The following SPAG16 variants were observed in gnomAD, a reference collection of about 807,000 sequenced individuals.
The protein encoded by SPAG16 is sperm-associated antigen 16 protein.
In SPAG16, 86 loss-of-function variants were observed where a neutral mutation model predicts 80.4. The ratio of observed to expected loss-of-function variants is 1.07; its 90% CI spans 0.90 to 1.28. The LOEUF is 1.28. Among genes scored for constraint, SPAG16 ranks in the 50% most tolerant of loss-of-function variants. The probability of loss-of-function intolerance (pLI) is 0.00; values close to 1 mark genes in which losing one functional copy is unlikely to be tolerated. For synonymous variants in SPAG16, 294 were observed against 265.9 expected, an observed-to-expected ratio of 1.11 and a Z score of -1.03; for missense variants, 870 against 765.3, an observed-to-expected ratio of 1.14 and a Z score of -1.61.
intron 10 of SPAG16, among the ~76,000 whole-genome samples, chr2:213,670,090 G>A (rs747399037): frequency 7.3e-5 from 11 of 151,462 alleles, no homozygotes; most frequent in Non-Finnish European, 1.0e-4. Context: ...CTCTGCCTCC[G>A]GGGTTCACGC....
intron 11 of SPAG16, among the ~76,000 whole-genome samples, chr2:213,883,231 CT>C (rs1180524780): frequency 6.6e-6 from 1 of 152,106 alleles, no homozygotes; most frequent in African/African-American, 2.4e-5. Flanking sequence ...AATTTCAATA[CT>C]TTTTTATTTT....
rs901068288 is a variant in SPAG16 at position 213,835,589 on chromosome 2, T to C, written c.1071-26896T>C. Among the ~76,000 whole-genome samples the C allele has an allele frequency of 4.1e-4, 62 of 152,306 alleles. 1 individual carries two copies. Among genetic ancestry groups the C allele is most frequent in the African/African-American group, 1.4e-3 (60 of 41,568 alleles). On this transcript the variant is annotated intron_variant, in intron 10 of 15. Transcript: ENST00000331683. ...TAATCTCCCTCCTTCTAAGGTTTCA[T>C]TGTGTACTATAATCTTTTTTCCTAT...
chr2:213,378,987 C>G (rs2125228916), intron 9 of SPAG16, among the ~76,000 whole-genome samples: 1 of 152,318 alleles, frequency 6.6e-6, no homozygotes, highest in African/African-American at 2.4e-5. Context: ...ATCACCCCAG[C>G]CAAGACTGTA....
intron 15 of SPAG16, among the ~76,000 whole-genome samples, chr2:214,308,816 C>A (rs1430225365): frequency 6.6e-6 from 1 of 152,004 alleles, no homozygotes; most frequent in Non-Finnish European, 1.5e-5. Context: ...CTGCCTTTAA[C>A]ATTTTGTTTT....
intron 12 of SPAG16, among the ~76,000 whole-genome samples, chr2:213,999,171 G>A (rs984721362): frequency 2.0e-5 from 3 of 151,702 alleles, no homozygotes; most frequent in African/African-American, 2.4e-5. Context: ...AGGTCTTCAC[G>A]GCAGCCCCTC....
chr2:214,313,694 C>T (rs1695485363), intron 15 of SPAG16, among the ~76,000 whole-genome samples: 1 of 151,982 alleles, frequency 6.6e-6, no homozygotes. Flanking sequence ...TGCAATTCTT[C>T]TATCCATATT....
chr2:214,272,495 A>G (rs754779296), intron 15 of SPAG16, among the ~76,000 whole-genome samples: 29 of 152,042 alleles, frequency 1.9e-4, no homozygotes, highest in Non-Finnish European at 4.0e-4. Context: ...CCTGTGTCCA[A>G]GTGTTCTCAT....
In SPAG16 at chr2:214,410,261, C is replaced by T. The variant is rs765928542; in HGVS notation, c.1842C>T (p.Asp614=). The stretch of plus-strand genomic sequence containing the variant: ...CACACACGGTTGTGTTTTCTCACGA[C>T]GGGGAGATTCTCTTTTCTGGAGGCT... ...NEAHTVVFSH[D]GEILFSGGSD... is the part of the protein sequence containing the mutation. The change falls in exon 16 of 16, where the codon GAC becomes GAT. Residue 614 remains aspartate, a synonymous_variant. Transcript: ENST00000331683. The T allele has an allele frequency of 6.8e-6, 11 of 1,610,804 alleles. No individual in the cohort carries two copies. The highest frequency in any genetic ancestry group is 1.3e-5 in the African/African-American group (1 of 74,868).
chr2:213,757,329 G>GTT (rs549923590), intron 10 of SPAG16, among the ~76,000 whole-genome samples: 4 of 147,778 alleles, frequency 2.7e-5, no homozygotes, highest in Non-Finnish European at 4.5e-5. Context: ...ACCCATAGCT[G>GTT]TTTTTTTTTT....
chr2:213,340,492 G>A (rs908120348), intron 6 of SPAG16, among the ~76,000 whole-genome samples: 5 of 152,120 alleles, frequency 3.3e-5, no homozygotes, highest in Non-Finnish European at 5.9e-5. Context: ...TTGTTGCTAT[G>A]CCACCCAAGA....
rs1163845734 is a variant in SPAG16, at chr2:214,221,945, A to C, written c.1720+72679A>C. On this transcript the variant is annotated intron_variant, in intron 15 of 15. Transcript: ENST00000331683. ...AATTGGTAAACTGCCAATTGAAAAA[A>C]AACATTAAAAATAGATAATATCTGA... Among the ~76,000 whole-genome samples, 3 of 152,116 alleles carry C rather than the reference A, an allele frequency of 2.0e-5. No individual in the cohort carries two copies. The East Asian group carries it at 5.8e-4, about 29-fold the overall frequency.
intron 15 of SPAG16, among the ~76,000 whole-genome samples, chr2:214,317,832 T>C (rs962604000): frequency 1.3e-5 from 2 of 152,140 alleles, no homozygotes; most frequent in Non-Finnish European, 2.9e-5. Flanking sequence ...ATATTACAGC[T>C]CATTAGTCAG....
Position 214,108,763 on chromosome 2 carries a change from A to T in SPAG16, c.1593+502A>T, listed in dbSNP as rs1014828462. Among the ~76,000 whole-genome samples, 8 of 152,202 alleles carry T rather than the reference A, an allele frequency of 5.3e-5. No homozygotes were observed. In the East Asian group the frequency reaches 1.5e-3, roughly 29 times the overall value. On this transcript the variant is annotated intron_variant, in intron 14 of 15. Coordinates refer to ENST00000331683, the MANE Select transcript of SPAG16 (RefSeq NM_024532.5). Reference sequence around the variant, plus strand: ...TGACAGCTTTTTAATTACTCATGGAAAAGTTTCAAATATGTCCTTCTTCAT... The same window carrying T: ...TGACAGCTTTTTAATTACTCATGGATAAGTTTCAAATATGTCCTTCTTCAT...
At position 213,859,178 on chromosome 2, in the gene SPAG16, C is replaced by CAAAAAAAAAAAAAAAAAAA. The variant is rs1165853142; in HGVS notation, c.1071-3287_1071-3269dup. Among the ~76,000 whole-genome samples the CAAAAAAAAAAAAAAAAAAA allele has an allele frequency of 1.8e-3, 17 of 9,378 alleles. 5 individuals are homozygous for CAAAAAAAAAAAAAAAAAAA. The highest frequency in any genetic ancestry group is 3.4e-3 in the African/African-American group (7 of 2,036). 6.2% of individuals were successfully genotyped at this position (9,378 alleles called of 152,430 possible). A position where few individuals can be genotyped will look rare whatever the true frequency, so the allele number is the denominator to read the frequency against. ...TGGGCAACAGAGCGACACTCCGTCT[C>CAAAAAAAAAAAAAAAAAAA]AAAAAAAAAAAAAAAAAAAAAAAAA... On this transcript the variant is annotated intron_variant, in intron 10 of 15. Transcript: ENST00000331683.
chr2:213,984,854 A>G (rs572533019), intron 12 of SPAG16, among the ~76,000 whole-genome samples: 3 of 152,176 alleles, frequency 2.0e-5, no homozygotes, highest in South Asian at 4.1e-4. Context: ...CAGTGACGTT[A>G]CTGTACCTGG....
In SPAG16 at chr2:213,541,094, G is replaced by A. The variant is rs929279861; in HGVS notation, c.1070+51004G>A. ...ATTAGGTCAGTACTATTGTTACCAT[G>A]GTTTTTCCTTTTTTGACACTTCTGT... On this transcript the variant is annotated intron_variant, in intron 10 of 15. Transcript: ENST00000331683. Among the ~76,000 whole-genome samples the A allele has an allele frequency of 1.1e-4, 16 of 152,218 alleles. 1 individual carries two copies. Among genetic ancestry groups the A allele is most frequent in the Admixed American group, 6.5e-5 (1 of 15,282 alleles).
intron 15 of SPAG16, among the ~76,000 whole-genome samples, chr2:214,221,924 G>T (rs945870512): frequency 1.3e-5 from 2 of 151,066 alleles, no homozygotes; most frequent in Non-Finnish European, 3.0e-5. Context: ...CATTAAAATT[G>T]GTAAACTGCC....
intron 10 of SPAG16, among the ~76,000 whole-genome samples, chr2:213,570,175 TC>T (rs1215930752): frequency 1.4e-4 from 2 of 14,396 alleles, no homozygotes; most frequent in African/African-American, 8.6e-4. Context: ...GTTGATCCTT[TC>T]AAAAAACCAG....
intron 15 of SPAG16, among the ~76,000 whole-genome samples, chr2:214,254,761 G>GAGTTATATAT: frequency 6.8e-6 from 1 of 147,624 alleles, no homozygotes; most frequent in South Asian, 2.2e-4. Flanking sequence ...TTATAACTAG[G>GAGTTATATAT]CTAGGAGTAA....
Sources: gnomAD v4.1 joint callset for allele counts (sites outside exome capture counted in the v4.1 genomes callset) on GRCh38, gnomAD v4.1.1 for gene constraint, MANE v1.5 for transcripts, NCBI Gene and HGNC (gene_info 2026-07-23, HGNC 2026-07-21) for gene names.